ERN1: variants seen among roughly 807,000 people sequenced by gnomAD.
The protein encoded by ERN1 is endoplasmic reticulum to nucleus signaling 1.
ERN1 carries 39 observed loss-of-function variants against 113.1 expected under a neutral mutation model. The ratio of observed to expected loss-of-function variants is 0.34; its 90% CI spans 0.27 to 0.45. The LOEUF is 0.45. Ranked by LOEUF, ERN1 falls within the 20% of genes least tolerant of loss-of-function variation. The pLI, the probability that ERN1 is intolerant of heterozygous loss-of-function variation, is 1.00. For missense variants in ERN1, 976 were observed against 1,274.8 expected (o/e 0.77, Z 3.57); for synonymous variants, 507 against 515.9 (o/e 0.98, Z 0.23).
intron 20 of ERN1, among the ~76,000 whole-genome samples, 164 bp from the exon 21 acceptor site, chr17:64,045,091 A>G (rs196916): frequency 0.94 from 142,690 of 152,042 alleles, 67,207 homozygotes; most frequent in East Asian, 1. Flanking sequence ...CAAGGGTGGT[A>G]TCCCCCTGAA....
intron 1 of ERN1, among the ~76,000 whole-genome samples, chr17:64,123,029 C>A (rs1567890020): frequency 6.6e-6 from 1 of 150,922 alleles, no homozygotes; most frequent in East Asian, 1.9e-4. Flanking sequence ...TTTTTGTTCC[C>A]TTTTTTTTTC....
chr17:64,075,108 T>C, intron 5 of ERN1, 67 bp downstream of exon 5: 6 of 1,328,036 alleles, frequency 4.5e-6, no homozygotes, highest in Non-Finnish European at 6.3e-6. Context: ...TCTCTCCGCA[T>C]GCCACTTTCC....
rs1280147071 is a variant in ERN1, at chr17:64,040,656, C to T, written c.*3332G>A. The stretch of plus-strand genomic sequence containing the variant: ...CCTGCAGATCTTCCAGAACATCTAT[C>T]TGTAACTGATCAGAGTGATGTCTCC... On this transcript the variant is annotated 3_prime_UTR_variant, in exon 22 of 22. Transcript: ENST00000433197. The T allele has an allele frequency of 6.6e-6, 1 of 152,236 alleles. No homozygotes were observed. Among genetic ancestry groups the T allele is most frequent in the Admixed American group, 6.5e-5 (1 of 15,280 alleles). The allele number at this position is 152,236 out of a possible 1,614,324, so 9.4% of individuals were successfully genotyped here. A position where few individuals can be genotyped will look rare whatever the true frequency, so the allele number is the denominator to read the frequency against.
At chr17:64,056,763 G>T (rs1044980378) in intron 12 of ERN1, among the ~76,000 whole-genome samples, 4 of 152,204 alleles carry the variant, frequency 2.6e-5, no homozygotes, top group African/African-American at 9.7e-5. Flanking sequence ...TACCCGTGGG[G>T]AAAGTTACTT....
chr17:64,065,398 C>T, intron 8 of ERN1, 111 bp from the exon 9 acceptor site: 1 of 745,664 alleles, frequency 1.3e-6, no homozygotes, highest in South Asian at 1.9e-5. Context: ...CATTAACCCC[C>T]CAGACATGGA....
chr17:64,112,207 A>G (rs1377057781), intron 1 of ERN1, among the ~76,000 whole-genome samples: 1 of 152,060 alleles, frequency 6.6e-6, no homozygotes, highest in African/African-American at 2.4e-5. Flanking sequence ...ATCTCTATTA[A>G]ATACTCAAAA....
chr17:64,060,324 A>C (rs1228392760), intron 11 of ERN1, 145 bp downstream of exon 11: 2 of 631,766 alleles, frequency 3.2e-6, no homozygotes, highest in Non-Finnish European at 2.9e-6. Flanking sequence ...GCCCTTAACC[A>C]TTTATGTTTT....
At chr17:64,048,806 T>C (rs1028436465) in intron 18 of ERN1, among the ~76,000 whole-genome samples, 1 of 90,406 alleles carries the variant, frequency 1.1e-5, no homozygotes, top group African/African-American at 2.6e-5. Context: ...GGGCTTTGCC[T>C]AGGTCACACA....
At chr17:64,046,539 G>C (rs1912519398) in intron 19 of ERN1, among the ~76,000 whole-genome samples, 1 of 152,190 alleles carries the variant, frequency 6.6e-6, no homozygotes, top group Non-Finnish European at 1.5e-5. Context: ...CATGGACACA[G>C]TGACCAATCC....
In ERN1 at chr17:64,044,121, G is replaced by A; in HGVS notation, c.2801C>T (p.Thr934Ile). The stretch of plus-strand genomic sequence containing the variant: ...TGCGAGGAGGTGGGGGAAGCGAGAT[G>A]TGAAGTAGCACACGAAGTCGTCGGG... ...SLPDDFVCYFTSRFPHLLAHT... is the reference protein window; with the variant it reads ...SLPDDFVCYFISRFPHLLAHT... Residue 934 changes from threonine (T) to isoleucine (I), a missense_variant, in exon 22 of 22, where the codon ACA (threonine) becomes ATA (isoleucine). This residue lies in a region of ERN1 where 92 missense variants were observed against 87.3 expected (regional missense o/e 1.05). Coordinates refer to ENST00000433197, the MANE Select transcript of ERN1 (RefSeq NM_001433.5). This position sits in a 1 kb window ranked among gnomAD's most constrained non-coding sequence, Gnocchi z 4.1. The A allele has an allele frequency of 1.2e-6, 2 of 1,610,672 alleles. No individual in the cohort carries two copies. Among genetic ancestry groups the A allele is most frequent in the Non-Finnish European group, 1.7e-6 (2 of 1,178,036 alleles).
At chr17:64,045,740 A>C (rs112522646) in intron 19 of ERN1, among the ~76,000 whole-genome samples, 21 of 152,298 alleles carry the variant, frequency 1.4e-4, no homozygotes, top group African/African-American at 4.8e-4. Context: ...CCACGAACGC[A>C]TACCCTGAAT....
At chr17:64,083,489 T>C (rs74940919) in intron 2 of ERN1, among the ~76,000 whole-genome samples, 1 of 152,142 alleles carries the variant, frequency 6.6e-6, no homozygotes, top group Non-Finnish European at 1.5e-5. Flanking sequence ...ACTATCTATA[T>C]GGGGCCCGAT....
At chr17:64,105,435 T>A (rs187847654) in intron 1 of ERN1, among the ~76,000 whole-genome samples, 1 of 152,252 alleles carries the variant, frequency 6.6e-6, no homozygotes, top group East Asian at 1.9e-4. Context: ...CAAATAAAAA[T>A]CTTTTCTATG....
Position 64,073,362 on chromosome 17 carries a change from A to G in ERN1, c.356-1259T>C, listed in dbSNP as rs1363771378. Among the ~76,000 whole-genome samples, 21 of 132,562 alleles carry G rather than the reference A, an allele frequency of 1.6e-4. No individual in the cohort carries two copies. In the East Asian group the frequency reaches 4.1e-3, roughly 26 times the overall value. The allele number at this position is 132,562 out of a possible 152,430, so 87.0% of individuals were successfully genotyped here. On this transcript the variant is annotated intron_variant, in intron 5 of 21. Coordinates refer to ENST00000433197, the MANE Select transcript of ERN1 (RefSeq NM_001433.5). ...TTTTTTTTTTTTTTTTTTTTAGTAG[A>G]GACAGGGTTTCACCGTGTTAGTCAG...
rs1482699174 is a variant in ERN1, at chr17:64,124,730, T to A, written c.54+5246A>T. ...CTTTATCAGCAGCATGAAAATGGAC[T>A]AATACAATGGATAAATAAAATGTGG... On this transcript the variant is annotated intron_variant, in intron 1 of 21. Transcript: ENST00000433197. Among the ~76,000 whole-genome samples, 3 of 152,344 alleles carry A rather than the reference T, an allele frequency of 2.0e-5. No homozygotes were observed. The East Asian group carries it at 5.8e-4, about 29-fold the overall frequency.
At chr17:64,081,920 A>G (rs1913780052) in intron 2 of ERN1, among the ~76,000 whole-genome samples, 1 of 152,202 alleles carries the variant, frequency 6.6e-6, no homozygotes, top group Non-Finnish European at 1.5e-5. Flanking sequence ...AAAAGTCCGC[A>G]GGCAGGAGAC....
intron 2 of ERN1, among the ~76,000 whole-genome samples, chr17:64,091,308 T>C (rs1271124486): frequency 6.6e-6 from 1 of 152,150 alleles, no homozygotes; most frequent in Non-Finnish European, 1.5e-5. Context: ...ATGACTATGA[T>C]ACAAGCAACA....
At chr17:64,118,071 T>C (rs1486921697) in intron 1 of ERN1, among the ~76,000 whole-genome samples, 1 of 152,194 alleles carries the variant, frequency 6.6e-6, no homozygotes, top group Non-Finnish European at 1.5e-5. Flanking sequence ...CCTCCCATCT[T>C]CTACCTCCCC....
At chr17:64,075,270 A>AG in intron 4 of ERN1, 23 bp from the exon 5 acceptor site, 1 of 1,406,424 alleles carries the variant, frequency 7.1e-7, no homozygotes, top group Non-Finnish European at 9.6e-7. Context: ...AAAAAAAGAA[A>AG]AAAAAAAGTT....
Sources: allele counts gnomAD v4.1 joint callset (sites outside exome capture counted in the v4.1 genomes callset), GRCh38; gene constraint gnomAD v4.1.1; regional missense constraint gnomAD v4.1.1; non-coding constraint Gnocchi (gnomAD v3.1); transcripts MANE v1.5; gene names NCBI Gene and HGNC (gene_info 2026-07-23, HGNC 2026-07-21).